The following SMPDL3B variants were observed in gnomAD, a reference collection of about 807,000 sequenced individuals.
SMPDL3B encodes the protein acid sphingomyelinase-like phosphodiesterase 3b.
Under a neutral mutation model 37.9 loss-of-function variants are expected in SMPDL3B, and 31 were observed. That is an observed-to-expected ratio of 0.82 (90% CI 0.61 to 1.10). SMPDL3B has a LOEUF of 1.10. SMPDL3B is among the 50% of genes least tolerant of loss of function. SMPDL3B has a pLI of 0.00. For synonymous variants in SMPDL3B, 235 were observed against 242.6 expected, an observed-to-expected ratio of 0.97 and a Z score of 0.29; for missense variants, 525 against 597.8, an observed-to-expected ratio of 0.88 and a Z score of 1.27.
chr1:27,945,225 C>G lies in SMPDL3B; in HGVS notation c.62-7C>G. The G allele has an allele frequency of 6.2e-7, 1 of 1,613,754 alleles. No individual in the cohort carries two copies. Among genetic ancestry groups the G allele is most frequent in the Non-Finnish European group, 8.5e-7 (1 of 1,179,710 alleles). On this transcript the variant is annotated splice_polypyrimidine_tract_variant and splice_region_variant and intron_variant, in intron 1 of 7. Transcript: ENST00000373894. The surrounding 1 kb of genome is among the most constrained non-coding windows in gnomAD (Gnocchi z 4.0). ...AGCTTTGAAGGAGGATGTTTTTTCC[C>G]CTGCAGGGAAGTTCTGGCACATCGC...
At chr1:27,952,384 G>A (rs1160662490) in intron 3 of SMPDL3B, among the ~76,000 whole-genome samples, 1 of 152,118 alleles carries the variant, frequency 6.6e-6, no homozygotes, top group Non-Finnish European at 1.5e-5. Context: ...TTTGTTCCAG[G>A]TCACTCCCTG....
chr1:27,945,274 ACAAGGTATC>A lies in SMPDL3B; in HGVS notation c.108_116del (p.Val37_Lys39del). On this transcript the variant is annotated inframe_deletion, in exon 2 of 8. Coordinates refer to ENST00000373894, the MANE Select transcript of SMPDL3B (RefSeq NM_014474.4). The surrounding 1 kb of genome is among the most constrained non-coding windows in gnomAD (Gnocchi z 4.0). ...GCTGACCTGCACCTTGACCCTGACT[ACAAGGTATC>A]CAAAGACCCCTTCCAGGTGTGCCCA... 1 of 1,614,140 alleles carries A rather than the reference ACAAGGTATC, an allele frequency of 6.2e-7. No individual in the cohort carries two copies. The highest frequency in any genetic ancestry group is 8.5e-7 in the Non-Finnish European group (1 of 1,180,018).
At chr1:27,953,159 T>G (rs769991677) in intron 3 of SMPDL3B, 56 bp from the exon 4 acceptor site, 25 of 1,442,754 alleles carry the variant, frequency 1.7e-5, no homozygotes, top group Non-Finnish European at 2.2e-5. Context: ...AGAAAATGAT[T>G]AACTCCCCCG....
At chr1:27,949,301 G>C in intron 3 of SMPDL3B, 139 bp downstream of exon 3, 2 of 864,404 alleles carry the variant, frequency 2.3e-6, no homozygotes, top group Non-Finnish European at 3.7e-6. Flanking sequence ...GGTCTTCATG[G>C]TGACCATTTC....
At chr1:27,948,815 A>G (rs1198904240) in intron 2 of SMPDL3B, among the ~76,000 whole-genome samples, 5 of 152,222 alleles carry the variant, frequency 3.3e-5, no homozygotes, top group South Asian at 2.1e-4. Context: ...TATTATCCCA[A>G]CATTACAGAT....
At chr1:27,941,768 G>C (rs370845346) in intron 1 of SMPDL3B, among the ~76,000 whole-genome samples, 2 of 152,300 alleles carry the variant, frequency 1.3e-5, no homozygotes, top group Non-Finnish European at 2.9e-5. Context: ...AGGCCATGGC[G>C]TAGTCAGGGA....
In SMPDL3B at chr1:27,958,528, C is replaced by G. The variant is rs757136867; in HGVS notation, c.1058C>G (p.Pro353Arg). 1 of 1,613,720 alleles carries G rather than the reference C, an allele frequency of 6.2e-7. No individual in the cohort carries two copies. Among genetic ancestry groups the G allele is most frequent in the South Asian group, 1.1e-5 (1 of 91,034 alleles). ...AGCCAGGCGAATGCTCAGGGGACGC[C>G]GCGCTGGGAGCTCGAGTACCAGCTG... The part of the protein sequence containing the change: ...NLSQANAQGT[P>R]RWELEYQLTE... The change falls in exon 8 of 8, where the codon CCG becomes CGG. Residue 353 changes from proline (P) to arginine (R), a missense_variant. Coordinates refer to ENST00000373894, the MANE Select transcript of SMPDL3B (RefSeq NM_014474.4). The surrounding 1 kb of genome is among the most constrained non-coding windows in gnomAD (Gnocchi z 5.6).
At chr1:27,935,924 G>T (rs1437134201) in intron 1 of SMPDL3B, among the ~76,000 whole-genome samples, 1 of 152,206 alleles carries the variant, frequency 6.6e-6, no homozygotes, top group African/African-American at 2.4e-5. Flanking sequence ...CAGCAAGGAA[G>T]CCCGCGTGGC....
chr1:27,950,146 G>A lies in SMPDL3B; in HGVS notation c.373+984G>A, dbSNP rs746828369. ...AGCACTGCCCTTACTGTCTGTTCCC[G>A]CTGCTTCCTTTCCTCAACAAAGTCA... On this transcript the variant is annotated intron_variant, in intron 3 of 7. Coordinates refer to ENST00000373894, the MANE Select transcript of SMPDL3B (RefSeq NM_014474.4). Among the ~76,000 whole-genome samples, 14 of 152,088 alleles carry A rather than the reference G, an allele frequency of 9.2e-5. 1 individual carries two copies. The highest frequency in any genetic ancestry group is 4.4e-5 in the Non-Finnish European group (3 of 68,026).
chr1:27,938,617 C>T (rs1262637512), intron 1 of SMPDL3B, among the ~76,000 whole-genome samples: 2 of 152,248 alleles, frequency 1.3e-5, no homozygotes, highest in African/African-American at 4.8e-5. Context: ...GGCATACACA[C>T]AGATGGTCCC....
intron 1 of SMPDL3B, among the ~76,000 whole-genome samples, chr1:27,938,376 A>G (rs1283135261): frequency 6.6e-6 from 1 of 152,230 alleles, no homozygotes; most frequent in Non-Finnish European, 1.5e-5. Flanking sequence ...AGGATTCAAA[A>G]TAAGATGTCC....
intron 1 of SMPDL3B, among the ~76,000 whole-genome samples, chr1:27,939,566 C>G (rs552821802): frequency 1.3e-4 from 20 of 152,066 alleles, no homozygotes; most frequent in Non-Finnish European, 2.9e-4. Flanking sequence ...TACCTGTAAT[C>G]CTAGCACTTT....
intron 1 of SMPDL3B, among the ~76,000 whole-genome samples, chr1:27,940,179 C>G (rs1204139884): frequency 6.6e-6 from 1 of 152,182 alleles, no homozygotes; most frequent in African/African-American, 2.4e-5. Flanking sequence ...CACTTTTTGC[C>G]TGCCCAGGGA....
intron 7 of SMPDL3B, chr1:27,956,451 A>G: frequency 7.9e-7 from 1 of 1,263,710 alleles, no homozygotes; most frequent in Non-Finnish European, 1.0e-6. Context: ...CAGTGCCTTC[A>G]AGATAAAGTT....
chr1:27,944,337 C>T (rs2090386432), intron 1 of SMPDL3B, among the ~76,000 whole-genome samples: 1 of 151,922 alleles, frequency 6.6e-6, no homozygotes, highest in South Asian at 2.1e-4. Flanking sequence ...ACATGTAGTC[C>T]CCAGGTTTTT....
chr1:27,949,056 G>T lies in SMPDL3B; in HGVS notation c.276-9G>T, dbSNP rs1032415730. On this transcript the variant is annotated splice_polypyrimidine_tract_variant and intron_variant, in intron 2 of 7. Coordinates refer to ENST00000373894, the MANE Select transcript of SMPDL3B (RefSeq NM_014474.4). ...GCCTGCCCCAAATTGGCTTGGTGGT[G>T]TTTTGTAGTGATGACACGCCTCATG... 6 of 1,614,068 alleles carry T rather than the reference G, an allele frequency of 3.7e-6. No individual in the cohort carries two copies. The Admixed American group carries it at 1.0e-4, about 27-fold the overall frequency.
Position 27,945,484 on chromosome 1 carries a change from A to G in SMPDL3B, c.275+39A>G, listed in dbSNP as rs756232960. 3 of 1,522,134 alleles carry G rather than the reference A, an allele frequency of 2.0e-6. No homozygotes were observed. The highest frequency in any genetic ancestry group is 2.7e-6 in the Non-Finnish European group (3 of 1,098,122). The allele number at this position is 1,522,134 out of a possible 1,614,324, so 94.3% of individuals were successfully genotyped here. A position where few individuals can be genotyped will look rare whatever the true frequency, so the allele number is the denominator to read the frequency against. Reference sequence around the variant, plus strand: ...AGGTGGCAGCTACCCTTTGCCAGGCATCTGCTATGTGCTACATACCAGTCT... The same window carrying G: ...AGGTGGCAGCTACCCTTTGCCAGGCGTCTGCTATGTGCTACATACCAGTCT... On this transcript the variant is annotated intron_variant, in intron 2 of 7. Coordinates refer to ENST00000373894, the MANE Select transcript of SMPDL3B (RefSeq NM_014474.4). The surrounding 1 kb of genome is among the most constrained non-coding windows in gnomAD (Gnocchi z 4.0).
chr1:27,947,861 G>C (rs756317543), intron 2 of SMPDL3B, among the ~76,000 whole-genome samples: 1 of 151,924 alleles, frequency 6.6e-6, no homozygotes, highest in Admixed American at 6.5e-5. Context: ...GATTACAGGC[G>C]TGAGTCACCG....
chr1:27,936,901 G>A (rs771950590), intron 1 of SMPDL3B, among the ~76,000 whole-genome samples: 12 of 152,014 alleles, frequency 7.9e-5, no homozygotes, highest in Admixed American at 5.9e-4. Flanking sequence ...AGCACCTGTC[G>A]TCCCAGCTAC....
Sources: allele counts gnomAD v4.1 joint callset (sites outside exome capture counted in the v4.1 genomes callset), GRCh38; gene constraint gnomAD v4.1.1; non-coding constraint Gnocchi (gnomAD v3.1); transcripts MANE v1.5; gene names NCBI Gene and HGNC (gene_info 2026-07-23, HGNC 2026-07-21).